Variants in AIG1 observed in about 807,000 individuals in gnomAD.
AIG1 encodes the protein androgen-induced gene 1 protein.
AIG1 carries 23 observed loss-of-function variants against 31.4 expected under a neutral mutation model. The observed-to-expected ratio is 0.73, with a 90% CI of 0.53 to 1.04. AIG1 has a LOEUF of 1.04. AIG1 is among the 50% of genes least tolerant of loss of function. The probability of loss-of-function intolerance (pLI) is 0.00; values close to 1 mark genes in which losing one functional copy is unlikely to be tolerated. For synonymous variants in AIG1, 100 were observed against 110.5 expected, an observed-to-expected ratio of 0.90 and a Z score of 0.60; for missense variants, 274 against 295.0, an observed-to-expected ratio of 0.93 and a Z score of 0.52.
chr6:143,341,271 G>A (rs1367358163), downstream of AIG1, among the ~76,000 whole-genome samples: 1 of 152,186 alleles, frequency 6.6e-6, no homozygotes, highest in African/African-American at 2.4e-5. Context: ...TGGAATGACT[G>A]CTGCAGTTAG....
intron 1 of AIG1, among the ~76,000 whole-genome samples, chr6:143,090,921 A>G (rs1779248964): frequency 6.6e-6 from 1 of 152,234 alleles, no homozygotes; most frequent in Non-Finnish European, 1.5e-5. Flanking sequence ...TACCCACAAT[A>G]GAACTTCTTT....
chr6:143,164,970 T>C, intron 2 of AIG1, 112 bp from the exon 3 acceptor site: 1 of 800,084 alleles, frequency 1.2e-6, no homozygotes, highest in Middle Eastern at 2.6e-4. Context: ...CTGAGCTGTC[T>C]TTCATCATAG....
intron 3 of AIG1, among the ~76,000 whole-genome samples, chr6:143,181,062 A>C (rs1244555064): frequency 2.0e-5 from 3 of 152,206 alleles, no homozygotes; most frequent in African/African-American, 4.8e-5. Context: ...TGGGATACAC[A>C]GATTGTGCCT....
chr6:143,083,782 A>G (rs1778507387), intron 1 of AIG1, among the ~76,000 whole-genome samples: 1 of 152,062 alleles, frequency 6.6e-6, no homozygotes, highest in African/African-American at 2.4e-5. Context: ...CTTGAATGGG[A>G]TGAGCATTCT....
Position 143,261,034 on chromosome 6 carries a change from A to C in AIG1, c.400-23076A>C, listed in dbSNP as rs550249236. Among the ~76,000 whole-genome samples the C allele has an allele frequency of 3.9e-5, 6 of 152,344 alleles. No homozygotes were observed. In the East Asian group the frequency reaches 7.7e-4, roughly 20 times the overall value. ...AAGTAAGGAGACTCCCAGAGTTTCA[A>C]ACCCACAAGCAAACAGCCTGGAGAT... On this transcript the variant is annotated intron_variant, in intron 3 of 5. Coordinates refer to ENST00000357847, the MANE Select transcript of AIG1 (RefSeq NM_016108.4).
intron 3 of AIG1, among the ~76,000 whole-genome samples, chr6:143,225,084 C>G (rs113153755): frequency 1.1e-4 from 16 of 152,240 alleles, no homozygotes; most frequent in African/African-American, 3.1e-4. Context: ...AGGTTCTTGG[C>G]AAACTCTACC....
At chr6:143,219,203 G>T (rs958082694) in intron 3 of AIG1, among the ~76,000 whole-genome samples, 1 of 152,188 alleles carries the variant, frequency 6.6e-6, no homozygotes, top group African/African-American at 2.4e-5. Context: ...TAATAAAGCA[G>T]ATGGGAAACA....
intron 3 of AIG1, among the ~76,000 whole-genome samples, chr6:143,216,712 A>G (rs1377063178): frequency 6.6e-6 from 1 of 152,230 alleles, no homozygotes; most frequent in African/African-American, 2.4e-5. Flanking sequence ...TGGTTAGTAC[A>G]TAGCTGGAAC....
intron 3 of AIG1, among the ~76,000 whole-genome samples, chr6:143,249,261 T>C (rs1794834755): frequency 6.6e-6 from 1 of 152,236 alleles, no homozygotes. Context: ...TGAAGCTCTT[T>C]CCTCAATACA....
intron 4 of AIG1, among the ~76,000 whole-genome samples, chr6:143,287,737 TAAAAAAAAA>T (rs59551903): frequency 9.0e-5 from 7 of 78,044 alleles, no homozygotes; most frequent in East Asian, 3.2e-4. Flanking sequence ...CTGACTACAG[TAAAAAAAAA>T]AAAAAAAAAA....
intron 1 of AIG1, among the ~76,000 whole-genome samples, chr6:143,088,829 A>G (rs1779038880): frequency 6.6e-6 from 1 of 152,220 alleles, no homozygotes; most frequent in Non-Finnish European, 1.5e-5. Context: ...TTGCTGGCTA[A>G]TTTGCAACTA....
At chr6:143,246,249 A>G (rs1794613271) in intron 3 of AIG1, among the ~76,000 whole-genome samples, 1 of 147,168 alleles carries the variant, frequency 6.8e-6, no homozygotes, top group African/African-American at 2.5e-5. Context: ...TGATAAAGAC[A>G]TACCTGAGAC....
At position 143,317,700 on chromosome 6, in the gene AIG1, A is replaced by G. The variant is rs192340060; in HGVS notation, c.516-15582A>G. Among the ~76,000 whole-genome samples, 11 of 151,932 alleles carry G rather than the reference A, an allele frequency of 7.2e-5. No homozygotes were observed. In the East Asian group the frequency reaches 1.8e-3, roughly 24 times the overall value. On this transcript the variant is annotated intron_variant, in intron 4 of 5. Transcript: ENST00000357847. ...ATCCAAATTGGTATAGAGGAAGTCA[A>G]ACTGTCACTGTTTGCTGATGATATG...
intron 3 of AIG1, among the ~76,000 whole-genome samples, chr6:143,174,504 A>G (rs1037839549): frequency 3.6e-4 from 55 of 151,680 alleles, no homozygotes; most frequent in African/African-American, 9.9e-4. Context: ...AAAAAAAAAA[A>G]AAAAGAAAAG....
intron 3 of AIG1, among the ~76,000 whole-genome samples, chr6:143,218,834 C>T (rs1167735914): frequency 6.6e-6 from 1 of 152,206 alleles, no homozygotes; most frequent in Non-Finnish European, 1.5e-5. Context: ...ATAGTTTTCT[C>T]TTTAACCAAT....
At chr6:143,180,249 C>G (rs1197232318) in intron 3 of AIG1, among the ~76,000 whole-genome samples, 1 of 152,126 alleles carries the variant, frequency 6.6e-6, no homozygotes, top group East Asian at 1.9e-4. Flanking sequence ...CTGCAAATCA[C>G]CCTGATAGAT....
In AIG1 at chr6:143,071,692, G is replaced by T. The variant is rs566393439; in HGVS notation, c.141+10626G>T. Among the ~76,000 whole-genome samples, 324 of 146,408 alleles carry T rather than the reference G, an allele frequency of 2.2e-3. 5 individuals are homozygous for T. Among genetic ancestry groups the T allele is most frequent in the South Asian group, 0.021 (99 of 4,776 alleles). On this transcript the variant is annotated intron_variant, in intron 1 of 5. Transcript: ENST00000357847. Reference sequence around the variant, plus strand: ...TGGTAGTGGTGGTTCTTTTTTTGTTGTTGTTGTTGTTGTTCTTCTTCTTCC... The same window carrying T: ...TGGTAGTGGTGGTTCTTTTTTTGTTTTTGTTGTTGTTGTTCTTCTTCTTCC...
intron 3 of AIG1, among the ~76,000 whole-genome samples, chr6:143,208,609 A>G (rs1034859224): frequency 6.6e-6 from 1 of 152,198 alleles, no homozygotes; most frequent in Non-Finnish European, 1.5e-5. Context: ...TGTCAGATAC[A>G]TCCAGCAAAA....
At chr6:143,187,696 TCTCCACAGAAAGCTTG>T in intron 3 of AIG1, 1 of 1,536,010 alleles carries the variant, frequency 6.5e-7, no homozygotes, top group South Asian at 1.2e-5. Context: ...GCAGGCTGCC[TCTCCACAGAAAGCTTG>T]CTCCAGCAAT....
Sources: allele counts gnomAD v4.1 joint callset (sites outside exome capture counted in the v4.1 genomes callset), GRCh38; gene constraint gnomAD v4.1.1; transcripts MANE v1.5; gene names NCBI Gene and HGNC (gene_info 2026-07-23, HGNC 2026-07-21).